RASEF: variants seen among roughly 807,000 people sequenced by gnomAD.
RASEF encodes the protein ras and EF-hand domain-containing protein.
A neutral mutation model predicts 90.1 loss-of-function variants in RASEF; 68 were observed. The observed-to-expected ratio is 0.75, with a 90% CI of 0.62 to 0.92. RASEF has a LOEUF of 0.92. Among genes scored for constraint, RASEF ranks in the 40% least tolerant of loss-of-function variants. RASEF has a pLI of 0.00. For synonymous variants in RASEF, 331 were observed against 345.2 expected (o/e 0.96, Z 0.46); for missense variants, 949 against 937.2 (o/e 1.01, Z -0.16).
At chr9:83,014,378 G>A (rs933787547) in intron 4 of RASEF, among the ~76,000 whole-genome samples, 4 of 151,948 alleles carry the variant, frequency 2.6e-5, no homozygotes, top group African/African-American at 7.3e-5. Flanking sequence ...ATGGCTCACT[G>A]CAGCCTTCCT....
the RASEF span, among the ~76,000 whole-genome samples, chr9:83,070,882 A>G: frequency 1.3e-5 from 2 of 152,138 alleles, no homozygotes; most frequent in African/African-American, 4.8e-5. Context: ...ATTTTATGCT[A>G]TTGTAGAAGA....
the RASEF span, among the ~76,000 whole-genome samples, chr9:83,083,079 C>T: frequency 6.6e-6 from 1 of 152,146 alleles, no homozygotes; most frequent in South Asian, 2.1e-4. Context: ...TCTGCATCCT[C>T]TATCTAATAT....
the RASEF span, among the ~76,000 whole-genome samples, chr9:83,075,022 C>T: frequency 9.9e-5 from 15 of 152,212 alleles, no homozygotes; most frequent in Non-Finnish European, 1.8e-4. Flanking sequence ...AACTGACCAT[C>T]ATCTGCATAA....
the RASEF span, among the ~76,000 whole-genome samples, chr9:83,200,445 C>G: frequency 9.2e-5 from 14 of 152,206 alleles, no homozygotes; most frequent in East Asian, 2.1e-3. Context: ...ATACAAGAAG[C>G]CTCCCAATTA....
chr9:83,032,122 C>T (rs1324311560), intron 1 of RASEF, among the ~76,000 whole-genome samples: 1 of 152,104 alleles, frequency 6.6e-6, no homozygotes, highest in Non-Finnish European at 1.5e-5. Context: ...AACTTGGCAC[C>T]ATTACTTGGT....
the RASEF span, among the ~76,000 whole-genome samples, chr9:83,130,113 C>A: frequency 4.6e-5 from 7 of 152,304 alleles, no homozygotes; most frequent in East Asian, 9.6e-4. Context: ...AGATGACATT[C>A]TTTAGAGCTC....
At chr9:83,135,916 A>G in the RASEF span, among the ~76,000 whole-genome samples, 4 of 152,140 alleles carry the variant, frequency 2.6e-5, no homozygotes, top group Non-Finnish European at 5.9e-5. Context: ...AAGTATATCA[A>G]TGCTGTTAGT....
rs138418572 is a variant in RASEF at position 83,004,549 on chromosome 9, C to T, written c.1151G>A (p.Arg384Lys). The T allele has an allele frequency of 5.2e-4, 829 of 1,600,774 alleles. No individual in the cohort carries two copies. Among genetic ancestry groups the T allele is most frequent in the Non-Finnish European group, 6.6e-4 (768 of 1,168,078 alleles). The change falls in exon 9 of 17, where the codon AGA becomes AAA. Residue 384 changes from arginine (R) to lysine (K), a missense_variant. Physicochemically the swap from Arg to Lys is conservative, Grantham distance 26 (BLOSUM62 2). This residue lies in a region of RASEF where 656 missense variants were observed against 592.2 expected (regional missense o/e 1.11). Coordinates refer to ENST00000376447, the MANE Select transcript of RASEF (RefSeq NM_152573.4). ...NNISPGNTISRSSPKFIGHSP... is the reference protein window; with the variant it reads ...NNISPGNTISKSSPKFIGHSP... ...ATGACCAATGAATTTGGGACTGCTT[C>T]TAGAAATTGTATTCCCTGGTGAGAT...
chr9:83,206,613 C>A, the RASEF span, among the ~76,000 whole-genome samples: 26 of 152,156 alleles, frequency 1.7e-4, no homozygotes, highest in Non-Finnish European at 3.5e-4. Context: ...TTACAGTATA[C>A]GCTATATGCT....
chr9:83,133,285 C>A, the RASEF span, among the ~76,000 whole-genome samples: 1 of 152,130 alleles, frequency 6.6e-6, no homozygotes, highest in Non-Finnish European at 1.5e-5. Context: ...AGGACTCCAA[C>A]ACTAGTGATT....
chr9:82,993,949 C>G (rs952118814), intron 14 of RASEF, among the ~76,000 whole-genome samples: 1 of 152,182 alleles, frequency 6.6e-6, no homozygotes, highest in Admixed American at 6.5e-5. Flanking sequence ...AAGAAGACAA[C>G]CTGACTAGCA....
At chr9:83,177,337 A>T in the RASEF span, among the ~76,000 whole-genome samples, 5 of 152,168 alleles carry the variant, frequency 3.3e-5, no homozygotes, top group African/African-American at 1.2e-4. Flanking sequence ...ATCTAGAGTC[A>T]CTTACCCGAA....
intron 1 of RASEF, among the ~76,000 whole-genome samples, chr9:83,032,867 T>C (rs1441075817): frequency 1.3e-5 from 2 of 152,196 alleles, no homozygotes; most frequent in East Asian, 1.9e-4. Flanking sequence ...GAAGATTACA[T>C]ATATATTTAT....
chr9:83,211,563 A>G, the RASEF span, among the ~76,000 whole-genome samples: 4 of 152,378 alleles, frequency 2.6e-5, no homozygotes, highest in South Asian at 8.3e-4. Flanking sequence ...TAATCTCAGC[A>G]GACTGGACTA....
chr9:83,217,779 T>C, the RASEF span, among the ~76,000 whole-genome samples: 77 of 152,276 alleles, frequency 5.1e-4, no homozygotes, highest in Middle Eastern at 6.8e-3. Flanking sequence ...GTTTCCTCAT[T>C]CATAAAAATA....
the RASEF span, among the ~76,000 whole-genome samples, chr9:83,183,535 G>A: frequency 2.6e-5 from 4 of 152,134 alleles, no homozygotes; most frequent in Admixed American, 6.5e-5. Flanking sequence ...TTAGAAAAAC[G>A]AAATTAATCA....
the RASEF span, among the ~76,000 whole-genome samples, chr9:83,103,542 T>C: frequency 2.0e-5 from 3 of 152,158 alleles, no homozygotes; most frequent in Non-Finnish European, 1.5e-5. Flanking sequence ...TAAAGGTGTA[T>C]GATGAGTATA....
chr9:83,149,958 T>C, the RASEF span, among the ~76,000 whole-genome samples: 1 of 152,178 alleles, frequency 6.6e-6, no homozygotes, highest in Non-Finnish European at 1.5e-5. Context: ...TTAAGGGCTA[T>C]CCCACAAGAA....
At chr9:83,168,133 A>G in the RASEF span, among the ~76,000 whole-genome samples, 3 of 152,156 alleles carry the variant, frequency 2.0e-5, no homozygotes, top group African/African-American at 7.2e-5. Flanking sequence ...GCAGTGAATG[A>G]GGGTCCCAAT....
Sources: allele counts gnomAD v4.1 joint callset (sites outside exome capture counted in the v4.1 genomes callset), GRCh38; gene constraint gnomAD v4.1.1; regional missense constraint gnomAD v4.1.1; transcripts MANE v1.5; gene names NCBI Gene and HGNC (gene_info 2026-07-23, HGNC 2026-07-21).